Variants in MED14 observed in about 807,000 individuals in gnomAD.
The protein encoded by MED14 is mediator complex subunit 14.
MED14 carries 8 observed loss-of-function variants against 109.0 expected under a neutral mutation model. The observed-to-expected ratio is 0.07, with a 90% confidence interval of 0.04 to 0.13. The LOEUF (loss-of-function observed/expected upper bound fraction) is 0.13. Ranked by LOEUF, MED14 falls within the 10% of genes least tolerant of loss-of-function variation. The probability of loss-of-function intolerance (pLI) is 1.00; values close to 1 mark genes in which losing one functional copy is unlikely to be tolerated. For synonymous variants in MED14, 399 were observed against 408.7 expected (o/e 0.98, Z 0.29); for missense variants, 711 against 1,142.4 (o/e 0.62, Z 5.44).
chrX:40,684,232 C>G (rs1316922120), intron 16 of MED14, among the ~76,000 whole-genome samples: 1 of 111,268 alleles, frequency 9.0e-6, no homozygotes, highest in Admixed American at 9.5e-5. Flanking sequence ...CTTGTGCAGC[C>G]CAGGCCTCTA....
Position 40,651,487 on chromosome X carries a change from A to T in MED14, c.*319T>A. 1 of 797,447 alleles carries T rather than the reference A, an allele frequency of 1.3e-6. No homozygotes were observed. Among genetic ancestry groups the T allele is most frequent in the Admixed American group, 7.4e-5 (1 of 13,511 alleles). The allele number at this position is 797,447 out of a possible 1,213,427, so 65.7% of individuals were successfully genotyped here. On this transcript the variant is annotated 3_prime_UTR_variant, in exon 31 of 31. Transcript: ENST00000324817. ...AGGACTATTACACCCAAAACATAAG[A>T]AAACAATTAAATAAACAAGTTTGGC...
chrX:40,656,107 A>C (rs1685011020), intron 28 of MED14, among the ~76,000 whole-genome samples: 1 of 110,987 alleles, frequency 9.0e-6, no homozygotes, highest in Non-Finnish European at 1.9e-5. Flanking sequence ...TTAAAATTTT[A>C]AATAATTAAA....
chrX:40,698,446 T>G (rs1930802075), intron 12 of MED14, among the ~76,000 whole-genome samples: 1 of 112,443 alleles, frequency 8.9e-6, no homozygotes, highest in African/African-American at 3.2e-5. Flanking sequence ...CTTTCTATAT[T>G]AATTGCCTGT....
At position 40,666,788 on chromosome X, in the gene MED14, A is replaced by C; in HGVS notation, c.3197T>G (p.Val1066Gly). Residue 1066 changes from valine to glycine, a missense_variant, in exon 24 of 31, where the codon GTT becomes GGT. Val to Gly is a moderately radical substitution (Grantham distance 109). Coordinates refer to ENST00000324817, the MANE Select transcript of MED14 (RefSeq NM_004229.4). ...ALRAPSPASFVPTPPPSSHGI... is the reference protein window; with the variant it reads ...ALRAPSPASFGPTPPPSSHGI... Reference sequence around the variant, plus strand: ...ATGCGAGGATGGGGGAGGAGTTGGAACAAATGACGCTGGTGATGGGGCTCT... The same window carrying C: ...ATGCGAGGATGGGGGAGGAGTTGGACCAAATGACGCTGGTGATGGGGCTCT... The C allele has an allele frequency of 1.7e-6, 2 of 1,201,144 alleles. No individual in the cohort carries two copies. Among genetic ancestry groups the C allele is most frequent in the Non-Finnish European group, 2.2e-6 (2 of 889,516 alleles).
chrX:40,704,610 T>C (rs1364758607), intron 10 of MED14, among the ~76,000 whole-genome samples: 1 of 112,449 alleles, frequency 8.9e-6, no homozygotes, highest in Non-Finnish European at 1.9e-5. Context: ...AAATGTATAT[T>C]ATCTATATTC....
chrX:40,665,521 A>C (rs1929444685), intron 24 of MED14, among the ~76,000 whole-genome samples: 1 of 110,864 alleles, frequency 9.0e-6, no homozygotes, highest in Admixed American at 9.6e-5. Flanking sequence ...TAACAGAGTG[A>C]GACTCTGTCT....
At chrX:40,723,152 C>T (rs939105894) in intron 3 of MED14, among the ~76,000 whole-genome samples, 4 of 111,781 alleles carry the variant, frequency 3.6e-5, no homozygotes, top group Admixed American at 9.5e-5. Flanking sequence ...AACAGGAAAT[C>T]GTAACTACAA....
At chrX:40,662,633 G>A (rs963948637) in intron 26 of MED14, among the ~76,000 whole-genome samples, 3 of 112,108 alleles carry the variant, frequency 2.7e-5, no homozygotes, top group Non-Finnish European at 5.6e-5. Context: ...GATCCTGTGC[G>A]CAGTGCTCCT....
intron 23 of MED14, among the ~76,000 whole-genome samples, chrX:40,669,408 TG>T (rs1602451283): frequency 1.8e-5 from 2 of 111,475 alleles, no homozygotes; most frequent in South Asian, 7.6e-4. Flanking sequence ...ACCACCCACT[TG>T]GGCTTCAATG....
At chrX:40,674,865 A>G (rs1421371751) in intron 22 of MED14, among the ~76,000 whole-genome samples, 3 of 112,449 alleles carry the variant, frequency 2.7e-5, no homozygotes, top group Non-Finnish European at 5.6e-5. Flanking sequence ...TCCCTACTGA[A>G]CATCGCTAGA....
chrX:40,691,154 T>C (rs1930486995), intron 15 of MED14, among the ~76,000 whole-genome samples: 1 of 112,629 alleles, frequency 8.9e-6, no homozygotes. Context: ...GTTACCTCCC[T>C]TTCACGTTTG....
chrX:40,650,486 C>T lies in MED14; in HGVS notation c.*1320G>A. On this transcript the variant is annotated 3_prime_UTR_variant, in exon 31 of 31. Coordinates refer to ENST00000324817, the MANE Select transcript of MED14 (RefSeq NM_004229.4). ...AACCAGTATTACAGTGACCAGGTAA[C>T]TCGGCATGGTATTATCACTTAAAAA... The T allele has an allele frequency of 1.3e-6, 1 of 753,855 alleles. No individual in the cohort carries two copies. Among genetic ancestry groups the T allele is most frequent in the Non-Finnish European group, 1.6e-6 (1 of 639,000 alleles). The allele number at this position is 753,855 out of a possible 1,213,427, so 62.1% of individuals were successfully genotyped here. A position where few individuals can be genotyped will look rare whatever the true frequency, so the allele number is the denominator to read the frequency against.
Position 40,711,250 on chromosome X carries a change from A to G in MED14, c.941T>C (p.Met314Thr), listed in dbSNP as rs1480360229. Reference protein sequence around the residue: ...QLEVLHSQTLMLIRERWGDLV... With the variant: ...QLEVLHSQTLTLIRERWGDLV... Reference sequence around the variant, plus strand: ...GTCTCCCCACCGTTCTCGGATTAACATTAGAGTTTGGGAATGTAACACTTC... The same window carrying G: ...GTCTCCCCACCGTTCTCGGATTAACGTTAGAGTTTGGGAATGTAACACTTC... Residue 314 changes from methionine to threonine, a missense_variant, in exon 8 of 31, where the codon ATG (methionine) becomes ACG (threonine). Met to Thr is a moderately conservative substitution (Grantham distance 81). Around this residue, in one of 8 missense-constraint regions of MED14, gnomAD observed 388 missense variants for 517.3 expected, o/e 0.75. Coordinates refer to ENST00000324817, the MANE Select transcript of MED14 (RefSeq NM_004229.4). The G allele has an allele frequency of 1.7e-6, 2 of 1,206,662 alleles. No homozygotes were observed. The highest frequency in any genetic ancestry group is 2.2e-5 in the Admixed American group (1 of 46,011).
At chrX:40,716,687 A>G (rs1054596841) in intron 3 of MED14, among the ~76,000 whole-genome samples, 1 of 111,525 alleles carries the variant, frequency 9.0e-6, no homozygotes, top group Non-Finnish European at 1.9e-5. Context: ...AAAGGAAATC[A>G]GCATACCAAA....
chrX:40,728,022 G>A (rs1008489125), intron 2 of MED14, among the ~76,000 whole-genome samples: 10 of 111,793 alleles, frequency 8.9e-5, no homozygotes, highest in African/African-American at 2.3e-4. Context: ...CAGTGTCTAC[G>A]AAGGATCATA....
chrX:40,661,902 T>C (rs1191358038), intron 26 of MED14, among the ~76,000 whole-genome samples: 1 of 111,798 alleles, frequency 8.9e-6, no homozygotes, highest in African/African-American at 3.3e-5. Flanking sequence ...CTCACTCTGT[T>C]GCCCAGGCTG....
intron 3 of MED14, among the ~76,000 whole-genome samples, chrX:40,717,689 A>G (rs1391787136): frequency 9.0e-6 from 1 of 110,566 alleles, no homozygotes; most frequent in Non-Finnish European, 1.9e-5. Context: ...CCCCCAGCTA[A>G]TTTTTGTATT....
chrX:40,679,397 C>T (rs940031496), intron 21 of MED14, among the ~76,000 whole-genome samples: 27 of 111,048 alleles, frequency 2.4e-4, no homozygotes, highest in Admixed American at 9.5e-5. Flanking sequence ...ATCTCAGCTA[C>T]TGGGGAGGCT....
chrX:40,702,405 G>A (rs1178328542), intron 11 of MED14, among the ~76,000 whole-genome samples: 1 of 99,136 alleles, frequency 1.0e-5, no homozygotes. Flanking sequence ...GGAGTGCAGT[G>A]GCGCGATCTC....
Sources: allele counts gnomAD v4.1 joint callset (sites outside exome capture counted in the v4.1 genomes callset), GRCh38; gene constraint gnomAD v4.1.1; regional missense constraint gnomAD v4.1.1; transcripts MANE v1.5; gene names NCBI Gene and HGNC (gene_info 2026-07-23, HGNC 2026-07-21).